RPS6KA4: variants seen among roughly 807,000 people sequenced by gnomAD.
RPS6KA4 encodes the protein ribosomal protein S6 kinase alpha-4.
RPS6KA4 carries 38 observed loss-of-function variants against 89.6 expected under a neutral mutation model. The ratio of observed to expected loss-of-function variants is 0.42; its 90% CI spans 0.33 to 0.56. RPS6KA4 has a LOEUF of 0.56. RPS6KA4 is among the 20% of genes least tolerant of loss of function. RPS6KA4 has a pLI of 0.07. For synonymous variants in RPS6KA4, 495 were observed against 492.8 expected, an observed-to-expected ratio of 1.00 and a Z score of -0.06; for missense variants, 873 against 1,098.8, an observed-to-expected ratio of 0.79 and a Z score of 2.90.
Position 64,370,008 on chromosome 11 carries a change from C to T in RPS6KA4, c.1797+115C>T, listed in dbSNP as rs2037015592. The T allele has an allele frequency of 3.3e-6, 4 of 1,224,800 alleles. No individual in the cohort carries two copies. The highest frequency in any genetic ancestry group is 2.9e-5 in the Admixed American group (1 of 34,218). The allele number at this position is 1,224,800 out of a possible 1,614,324, so 75.9% of individuals were successfully genotyped here. A position where few individuals can be genotyped will look rare whatever the true frequency, so the allele number is the denominator to read the frequency against. ...CATCTTGGTGGGGGCGGCTGGGTTT[C>T]GTCCGAAGCTGGGATCGGGGTGGTT... On this transcript the variant is annotated intron_variant, in intron 14 of 16. Transcript: ENST00000334205. The surrounding 1 kb of genome is among the most constrained non-coding windows in gnomAD (Gnocchi z 4.1).
chr11:64,362,547 T>C (rs1190522841), intron 8 of RPS6KA4, among the ~76,000 whole-genome samples: 1 of 152,230 alleles, frequency 6.6e-6, no homozygotes, highest in East Asian at 1.9e-4. Context: ...AATCTGGCCA[T>C]GCGAGAATGC....
chr11:64,369,928 C>T (rs1301184401), intron 14 of RPS6KA4, 35 bp downstream of exon 14: 28 of 1,485,944 alleles, frequency 1.9e-5, no homozygotes, highest in African/African-American at 1.4e-5. Flanking sequence ...GGGTCAGGGT[C>T]GCTCGGACCT....
intron 16 of RPS6KA4, among the ~76,000 whole-genome samples, 182 bp from the exon 17 acceptor site, chr11:64,371,101 C>CAAA (rs374004148): frequency 3.4e-5 from 3 of 88,778 alleles, no homozygotes; most frequent in Admixed American, 1.1e-4. Flanking sequence ...GAGACTCCGT[C>CAAA]AAAAAAAAAA....
chr11:64,370,071 G>C lies in RPS6KA4; in HGVS notation c.1798-154G>C, dbSNP rs2037017056. On this transcript the variant is annotated intron_variant, in intron 14 of 16. Transcript: ENST00000334205. The surrounding 1 kb of genome is among the most constrained non-coding windows in gnomAD (Gnocchi z 4.1). ...TGGGGTCGCTCTGGTGCTAGAGTCGGAGCATCCGGGTATTGGGGGTTAGAA... is the reference window on the plus strand; with the variant it reads ...TGGGGTCGCTCTGGTGCTAGAGTCGCAGCATCCGGGTATTGGGGGTTAGAA... 1.3e-5 allele frequency among the ~76,000 whole-genome samples: 2 copies of C among 152,158 alleles called. No individual in the cohort carries two copies. Among genetic ancestry groups the C allele is most frequent in the African/African-American group, 4.8e-5 (2 of 41,446 alleles).
In RPS6KA4 at chr11:64,369,717, G is replaced by T. The variant is rs1339408476; in HGVS notation, c.1621G>T (p.Asp541Tyr). Residue 541 changes from aspartate to tyrosine, a missense_variant, in exon 14 of 17, where the codon GAC (aspartate) becomes TAC (tyrosine). Physicochemically the swap from Asp to Tyr is radical, Grantham distance 160. Around this residue, in one of 4 missense-constraint regions of RPS6KA4, gnomAD observed 542 missense variants for 736.4 expected, o/e 0.74. Coordinates refer to ENST00000334205, the MANE Select transcript of RPS6KA4 (RefSeq NM_003942.3). ...LKPENILYAD[D>Y]TPGAPVKIID... is the part of the protein sequence containing the mutation. ...CTCGCAGAACATCCTGTACGCCGAC[G>T]ACACGCCCGGGGCCCCGGTGAAAAT... is the stretch of plus-strand genomic sequence containing the variant. 3.7e-6 allele frequency: 6 copies of T among 1,608,934 alleles called. No homozygotes were observed. The African/African-American group carries it at 6.7e-5, about 18-fold the overall frequency.
chr11:64,370,261 G>T lies in RPS6KA4; in HGVS notation c.1834G>T (p.Ala612Ser), dbSNP rs753141796. The T allele has an allele frequency of 3.8e-6, 6 of 1,575,436 alleles. No individual in the cohort carries two copies. The highest frequency in any genetic ancestry group is 2.3e-5 in the East Asian group (1 of 44,384). ...GTCGGGGCAGGTCCCCTTCCAGGGG[G>T]CCTCTGGCCAGGGCGGGCAGAGCCA... ...MLSGQVPFQGASGQGGQSQAA... is the reference protein window; with the variant it reads ...MLSGQVPFQGSSGQGGQSQAA... Residue 612 changes from alanine (A) to serine (S), a missense_variant, in exon 15 of 17, where the codon GCC (alanine) becomes TCC (serine). Ala to Ser is a moderately conservative substitution (Grantham distance 99, BLOSUM62 1). This residue lies in a region of RPS6KA4 where 278 missense variants were observed against 284.8 expected (regional missense o/e 0.98). Coordinates refer to ENST00000334205, the MANE Select transcript of RPS6KA4 (RefSeq NM_003942.3). The surrounding 1 kb of genome is among the most constrained non-coding windows in gnomAD (Gnocchi z 4.1).
intron 2 of RPS6KA4, chr11:64,359,840 T>C: frequency 1.9e-6 from 1 of 538,102 alleles, no homozygotes; most frequent in Non-Finnish European, 3.3e-6. Flanking sequence ...CTGCCTCCCT[T>C]CCTTGCACTG....
chr11:64,368,293 T>C, intron 10 of RPS6KA4, 33 bp downstream of exon 10: 1 of 1,609,024 alleles, frequency 6.2e-7, no homozygotes, highest in Non-Finnish European at 8.5e-7. Context: ...GGGGGGAAAT[T>C]GGTTTTAGGA....
intron 8 of RPS6KA4, among the ~76,000 whole-genome samples, chr11:64,363,019 G>C (rs1261679832): frequency 6.6e-6 from 1 of 152,116 alleles, no homozygotes; most frequent in Non-Finnish European, 1.5e-5. Flanking sequence ...GGAAGCTGAG[G>C]CTCCAAACAA....
At chr11:64,363,684 G>A (rs2036810233) in intron 8 of RPS6KA4, among the ~76,000 whole-genome samples, 1 of 152,044 alleles carries the variant, frequency 6.6e-6, no homozygotes, top group South Asian at 2.1e-4. Context: ...TAGAGTCAGG[G>A]ATTCACCATG....
chr11:64,361,438 G>A lies in RPS6KA4; in HGVS notation c.571-31G>A, dbSNP rs199735102. On this transcript the variant is annotated intron_variant, in intron 5 of 16. Transcript: ENST00000334205. This position sits in a 1 kb window ranked among gnomAD's most constrained non-coding sequence, Gnocchi z 4.7. The stretch of plus-strand genomic sequence containing the variant: ...GGCACTGGGGCACAGGAGAGGTTTC[G>A]ACATCTAAGCAGGACCTCTTGCCCT... 56 of 1,612,576 alleles carry A rather than the reference G, an allele frequency of 3.5e-5. No individual in the cohort carries two copies. In the East Asian group the frequency reaches 9.1e-4, roughly 26 times the overall value.
At chr11:64,362,299 G>A (rs1250727659) in intron 8 of RPS6KA4, among the ~76,000 whole-genome samples, 1 of 152,208 alleles carries the variant, frequency 6.6e-6, no homozygotes, top group East Asian at 1.9e-4. Context: ...TGCCCCCGAC[G>A]GCACAGTAAA....
Position 64,361,621 on chromosome 11 carries a change from C to A in RPS6KA4, c.652-21C>A. 9 of 1,613,300 alleles carry A rather than the reference C, an allele frequency of 5.6e-6. No homozygotes were observed. The highest frequency in any genetic ancestry group is 7.6e-6 in the Non-Finnish European group (9 of 1,179,806). ...GTGAGGCAGGGGAGATGCAGGCCCT[C>A]ACCCCGGCTCCACCCGGCAGGCTGT... is the stretch of plus-strand genomic sequence containing the variant. On this transcript the variant is annotated intron_variant, in intron 6 of 16. Coordinates refer to ENST00000334205, the MANE Select transcript of RPS6KA4 (RefSeq NM_003942.3). The surrounding 1 kb of genome is among the most constrained non-coding windows in gnomAD (Gnocchi z 4.7).
At chr11:64,359,861 A>C in intron 2 of RPS6KA4, 2 of 539,986 alleles carry the variant, frequency 3.7e-6, no homozygotes, top group South Asian at 2.4e-5. Flanking sequence ...GCATCTTTTC[A>C]CATCCATCTG....
Position 64,361,267 on chromosome 11 carries a change from A to G in RPS6KA4, c.570+26A>G. The G allele has an allele frequency of 6.3e-7, 1 of 1,589,270 alleles. No individual in the cohort carries two copies. The highest frequency in any genetic ancestry group is 8.6e-7 in the Non-Finnish European group (1 of 1,158,892). On this transcript the variant is annotated intron_variant, in intron 5 of 16. Coordinates refer to ENST00000334205, the MANE Select transcript of RPS6KA4 (RefSeq NM_003942.3). This position sits in a 1 kb window ranked among gnomAD's most constrained non-coding sequence, Gnocchi z 4.7. ...GTGAGTGGAGGCCACCTCTGCCTGC[A>G]GTGCCCCATTCAATCCTTCTCCTTC...
chr11:64,368,644 G>T, intron 11 of RPS6KA4, 43 bp downstream of exon 11: 1 of 1,576,868 alleles, frequency 6.3e-7, no homozygotes, highest in Non-Finnish European at 8.6e-7. Context: ...GTGGCAGAGC[G>T]CTGTCCCGGG....
At chr11:64,368,994 C>G (rs1466572167) in intron 12 of RPS6KA4, among the ~76,000 whole-genome samples, 197 bp downstream of exon 12, 1 of 151,734 alleles carries the variant, frequency 6.6e-6, no homozygotes, top group Non-Finnish European at 1.5e-5. Context: ...TGAGGATGGA[C>G]AAGAAAAGGG....
chr11:64,370,553 C>T lies in RPS6KA4; in HGVS notation c.1958-10C>T, dbSNP rs1300147661. 6.3e-7 allele frequency: 1 copy of T among 1,592,080 alleles called. No individual in the cohort carries two copies. On this transcript the variant is annotated splice_polypyrimidine_tract_variant and intron_variant, in intron 15 of 16. Transcript: ENST00000334205. The surrounding 1 kb of genome is among the most constrained non-coding windows in gnomAD (Gnocchi z 4.1). Reference sequence around the variant, plus strand: ...AGGCTCCTCCCCACACTTCCTTGCCCCGCCTCCAGGGCTCCTGACCGTGGA... The same window carrying T: ...AGGCTCCTCCCCACACTTCCTTGCCTCGCCTCCAGGGCTCCTGACCGTGGA...
At chr11:64,368,044 T>A (rs1009775385) in intron 9 of RPS6KA4, 88 bp from the exon 10 acceptor site, 1 of 1,467,850 alleles carries the variant, frequency 6.8e-7, no homozygotes, top group African/African-American at 1.4e-5. Context: ...TCCAGGGTCT[T>A]GCCTTTGCCT....
Sources: gnomAD v4.1 joint callset for allele counts (sites outside exome capture counted in the v4.1 genomes callset) on GRCh38, gnomAD v4.1.1 for gene constraint, gnomAD v4.1.1 regional missense constraint, Gnocchi (gnomAD v3.1) non-coding constraint, MANE v1.5 for transcripts, NCBI Gene and HGNC (gene_info 2026-07-23, HGNC 2026-07-21) for gene names.